Variants in TTBK2 observed in about 807,000 individuals in gnomAD.
The protein encoded by TTBK2 is tau-tubulin kinase 2.
In TTBK2, 28 loss-of-function variants were observed where a neutral mutation model predicts 110.8. That is an observed-to-expected ratio of 0.25 (90% CI 0.19 to 0.35). TTBK2 has a LOEUF of 0.35. TTBK2 is among the 10% of genes least tolerant of loss of function. The pLI is 1.00. For synonymous variants in TTBK2, 532 were observed against 527.3 expected, an observed-to-expected ratio of 1.01 and a Z score of -0.12; for missense variants, 1,369 against 1,500.3, an observed-to-expected ratio of 0.91 and a Z score of 1.45.
At chr15:42,816,085 A>AATATATATATATATATATATATATATAT (rs71431870) in intron 7 of TTBK2, among the ~76,000 whole-genome samples, 1 of 67,470 alleles carries the variant, frequency 1.5e-5, no homozygotes, top group East Asian at 5.6e-4. Context: ...TAAATAAATA[A>AATATATATATATATATATATATATATAT]ATATATATAT....
chr15:42,820,700 C>CAAA (rs376951443), intron 6 of TTBK2, among the ~76,000 whole-genome samples: 1 of 140,890 alleles, frequency 7.1e-6, no homozygotes, highest in Non-Finnish European at 1.6e-5. Context: ...TCTGAAGCTG[C>CAAA]AAAAAAAAAA....
At chr15:42,827,058 A>C (rs1286055585) in intron 6 of TTBK2, among the ~76,000 whole-genome samples, 10 of 152,340 alleles carry the variant, frequency 6.6e-5, no homozygotes, top group African/African-American at 1.2e-4. Flanking sequence ...ATAAACAATA[A>C]AGTAACTGGC....
At chr15:42,760,813 T>C (rs929449348) in intron 13 of TTBK2, among the ~76,000 whole-genome samples, 6 of 152,176 alleles carry the variant, frequency 3.9e-5, no homozygotes, top group African/African-American at 1.4e-4. Flanking sequence ...AAAATACCAA[T>C]GACATTTTTT....
At chr15:42,801,737 G>T in intron 9 of TTBK2, 4 of 830,250 alleles carry the variant, frequency 4.8e-6, no homozygotes, top group Non-Finnish European at 8.5e-6. Context: ...TCATACAGCT[G>T]CCTGAGGAAG....
chr15:42,746,365 G>T, intron 14 of TTBK2, 108 bp from the exon 15 acceptor site: 1 of 856,478 alleles, frequency 1.2e-6, no homozygotes, highest in Non-Finnish European at 1.8e-6. Flanking sequence ...TCAGAAAATA[G>T]ACTAACAGGA....
At chr15:42,818,563 CA>C (rs942182040) in intron 6 of TTBK2, among the ~76,000 whole-genome samples, 2 of 151,630 alleles carry the variant, frequency 1.3e-5, no homozygotes, top group African/African-American at 4.8e-5. Context: ...ACTAAAAATA[CA>C]AAAAAATTAG....
At chr15:42,887,187 T>C (rs1167385319) in intron 1 of TTBK2, among the ~76,000 whole-genome samples, 1 of 152,204 alleles carries the variant, frequency 6.6e-6, no homozygotes, top group Non-Finnish European at 1.5e-5. Context: ...AAACATTCTT[T>C]AATGCACTCC....
At chr15:42,755,773 T>A (rs892352366) in intron 13 of TTBK2, among the ~76,000 whole-genome samples, 2 of 152,212 alleles carry the variant, frequency 1.3e-5, no homozygotes, top group East Asian at 3.8e-4. Flanking sequence ...GATGTTGAAA[T>A]CTAAAATTTA....
At chr15:42,769,215 A>T (rs12592180) in intron 13 of TTBK2, among the ~76,000 whole-genome samples, 9,152 of 152,248 alleles carry the variant, frequency 0.06, 626 homozygotes, top group African/African-American at 0.18. Context: ...GGACTTCACG[A>T]CTAAAACACC....
intron 13 of TTBK2, among the ~76,000 whole-genome samples, chr15:42,754,198 C>T (rs1595878810): frequency 6.6e-6 from 1 of 151,594 alleles, no homozygotes; most frequent in Non-Finnish European, 1.5e-5. Flanking sequence ...ATCCTCCCAC[C>T]TCAGCCTCCC....
At chr15:42,821,825 G>A (rs923204241) in intron 6 of TTBK2, among the ~76,000 whole-genome samples, 1 of 151,900 alleles carries the variant, frequency 6.6e-6, no homozygotes, top group Non-Finnish European at 1.5e-5. Flanking sequence ...AAGTAGCTGG[G>A]ACTACAGGGT....
At chr15:42,856,375 C>CA (rs1056430185) in intron 3 of TTBK2, among the ~76,000 whole-genome samples, 26 of 148,602 alleles carry the variant, frequency 1.7e-4, no homozygotes, top group African/African-American at 6.2e-4. Context: ...ATTCCTTCAA[C>CA]AAAAAAAATG....
At chr15:42,862,658 G>A (rs1894205520) in intron 3 of TTBK2, among the ~76,000 whole-genome samples, 1 of 152,204 alleles carries the variant, frequency 6.6e-6, no homozygotes, top group African/African-American at 2.4e-5. Flanking sequence ...GGAGGCGGAA[G>A]CAGGCAGATG....
intron 9 of TTBK2, among the ~76,000 whole-genome samples, chr15:42,803,987 A>G (rs1404564037): frequency 2.3e-5 from 3 of 128,620 alleles, no homozygotes; most frequent in Admixed American, 9.4e-5. Flanking sequence ...AAATTGTACC[A>G]TTGTACTCCA....
At position 42,743,378 on chromosome 15, in the gene TTBK2, T is replaced by TA. The variant is rs2061761643; in HGVS notation, c.*2416dup. The TA allele has an allele frequency of 6.6e-6, 1 of 152,268 alleles. No homozygotes were observed. The highest frequency in any genetic ancestry group is 2.1e-4 in the South Asian group (1 of 4,818). The allele number at this position is 152,268 out of a possible 1,614,324, so 9.4% of individuals were successfully genotyped here. On this transcript the variant is annotated 3_prime_UTR_variant, in exon 15 of 15. Transcript: ENST00000267890. ...CCAGCAGAGAAATGCCAATAAGAAA[T>TA]AAAATCACACACACGTACCACAGTT...
intron 1 of TTBK2, among the ~76,000 whole-genome samples, chr15:42,918,171 C>A (rs907505028): frequency 6.6e-6 from 1 of 152,024 alleles, no homozygotes; most frequent in African/African-American, 2.4e-5. Context: ...AACCTCCGAT[C>A]CACCCCCTCA....
At chr15:42,874,281 T>C (rs1213998164) in intron 2 of TTBK2, among the ~76,000 whole-genome samples, 2 of 152,078 alleles carry the variant, frequency 1.3e-5, no homozygotes, top group Admixed American at 1.3e-4. Context: ...ACTTTGCACA[T>C]GTGAGCCATA....
chr15:42,801,224 G>A (rs183043570), intron 9 of TTBK2: 22 of 1,538,384 alleles, frequency 1.4e-5, no homozygotes, highest in Admixed American at 3.4e-5. Context: ...AGCTCTCCTC[G>A]CCCTCCAACA....
At chr15:42,867,739 G>A (rs1056805353) in intron 3 of TTBK2, among the ~76,000 whole-genome samples, 3 of 152,182 alleles carry the variant, frequency 2.0e-5, no homozygotes, top group Admixed American at 6.5e-5. Context: ...TGATGAGAAC[G>A]CAAAATGATA....
Sources: gnomAD v4.1 joint callset for allele counts (sites outside exome capture counted in the v4.1 genomes callset) on GRCh38, gnomAD v4.1.1 for gene constraint, MANE v1.5 for transcripts, NCBI Gene and HGNC (gene_info 2026-07-23, HGNC 2026-07-21) for gene names.